The following RTTN variants were observed in gnomAD, a reference collection of about 807,000 sequenced individuals.
The protein encoded by RTTN is rotatin.
Under a neutral mutation model 269.2 loss-of-function variants are expected in RTTN, and 182 were observed. The observed-to-expected ratio is 0.68, with a 90% CI of 0.60 to 0.76. RTTN has a LOEUF of 0.76. Ranked by LOEUF, RTTN falls within the 30% of genes least tolerant of loss-of-function variation. RTTN has a pLI of 0.00. For missense variants in RTTN, 2,545 were observed against 2,608.6 expected (o/e 0.98, Z 0.53); for synonymous variants, 1,006 against 963.5 (o/e 1.04, Z -0.82).
Position 70,051,461 on chromosome 18 carries a change from G to A in RTTN, c.5273C>T (p.Thr1758Ile). 1.9e-5 allele frequency: 31 copies of A among 1,614,018 alleles called. No homozygotes were observed. Among genetic ancestry groups the A allele is most frequent in the Non-Finnish European group, 2.5e-5 (30 of 1,179,928 alleles). The change falls in exon 39 of 49, where the codon ACA becomes ATA. Residue 1758 changes from threonine to isoleucine, a missense_variant. Transcript: ENST00000640769. ...AMLLRKAGAI[T>I]LPFVTVALAK... The stretch of plus-strand genomic sequence containing the variant: ...CAGGGCCACGGTAACAAACGGGAGT[G>A]TGATGGCACCAGCTTTCCTCAGGAG...
rs368904151 is a variant in RTTN, at chr18:70,052,345, T to G, written c.5186-797A>C. On this transcript the variant is annotated intron_variant, in intron 38 of 48. Transcript: ENST00000640769. ...GGCAATCCTTGGTGTTTCTCAACCC[T>G]TTTGTCATTAGTGGCTCTCTAAAGA... 1.7e-4 allele frequency among the ~76,000 whole-genome samples: 26 copies of G among 152,310 alleles called. No individual in the cohort carries two copies. The East Asian group carries it at 3.1e-3, about 18-fold the overall frequency.
rs887061620 is a variant in RTTN at position 70,073,469 on chromosome 18, G to A, written c.4653+437C>T. Among the ~76,000 whole-genome samples, 4 of 152,092 alleles carry A rather than the reference G, an allele frequency of 2.6e-5. No homozygotes were observed. The East Asian group carries it at 5.8e-4, about 22-fold the overall frequency. Reference sequence around the variant, plus strand: ...TGCCCTGCCCTTAAGCACAATTTCAGGGTAATCAACCATTTTTAACATGTA... The same window carrying A: ...TGCCCTGCCCTTAAGCACAATTTCAAGGTAATCAACCATTTTTAACATGTA... On this transcript the variant is annotated intron_variant, in intron 34 of 48. Coordinates refer to ENST00000640769, the MANE Select transcript of RTTN (RefSeq NM_173630.4).
intron 24 of RTTN, chr18:70,127,952 C>G: frequency 1.8e-6 from 1 of 540,798 alleles, no homozygotes; most frequent in Non-Finnish European, 3.2e-6. Flanking sequence ...ACTTTTCCTC[C>G]TTATAAAAAT....
intron 7 of RTTN, among the ~76,000 whole-genome samples, chr18:70,195,278 G>A (rs539297482): frequency 6.6e-6 from 1 of 152,284 alleles, no homozygotes; most frequent in Non-Finnish European, 1.5e-5. Context: ...ACGATTCCTT[G>A]TCACCCTTCA....
intron 30 of RTTN, chr18:70,091,581 G>A (rs1018792723): frequency 3.3e-5 from 5 of 152,136 alleles, no homozygotes; most frequent in African/African-American, 1.2e-4. Context: ...CTCTGATCTT[G>A]GACTTTCAGC....
intron 28 of RTTN, among the ~76,000 whole-genome samples, chr18:70,100,474 T>C (rs2059129217): frequency 6.6e-6 from 1 of 152,248 alleles, no homozygotes; most frequent in African/African-American, 2.4e-5. Flanking sequence ...TAAGGAGATT[T>C]TGGGCTGAGA....
At chr18:70,086,503 C>T (rs955422849) in intron 32 of RTTN, 110 bp downstream of exon 32, 2 of 889,650 alleles carry the variant, frequency 2.2e-6, no homozygotes, top group Non-Finnish European at 3.6e-6. Flanking sequence ...GAGGCCCTTG[C>T]TGTCTTGTAT....
intron 21 of RTTN, chr18:70,139,089 T>C (rs1272810153): frequency 6.6e-6 from 1 of 151,788 alleles, no homozygotes; most frequent in Non-Finnish European, 1.5e-5. Flanking sequence ...CAAATTAAAA[T>C]GGGTTTTTAA....
Position 70,166,992 on chromosome 18 carries a change from G to A in RTTN, c.1729C>T (p.Gln577Ter), listed in dbSNP as rs2061004622. ...TGATAGGAAAAGCTACGCAAGGCTT[G>A]GTCTGCCAGCTCCACTAATTCTAAG... Reference protein sequence around the residue: ...NLLELVELADQALRSFSYHQH... With the variant: ...NLLELVELAD Residue 577 changes from glutamine (Q) to a stop codon, truncating the protein, a stop_gained, in exon 13 of 49, where the codon CAA becomes TAA. Coordinates refer to ENST00000640769, the MANE Select transcript of RTTN (RefSeq NM_173630.4). LOFTEE classifies it high-confidence loss of function. 1 of 1,613,526 alleles carries A rather than the reference G, an allele frequency of 6.2e-7. No individual in the cohort carries two copies. The highest frequency in any genetic ancestry group is 8.5e-7 in the Non-Finnish European group (1 of 1,179,648).
At chr18:70,055,452 T>C (rs1199091102) in intron 37 of RTTN, among the ~76,000 whole-genome samples, 14 of 152,102 alleles carry the variant, frequency 9.2e-5, no homozygotes, top group Admixed American at 2.6e-4. Flanking sequence ...TATTTACAAA[T>C]AGTTCTGCCC....
chr18:70,187,525 A>C (rs1240237290), intron 10 of RTTN, among the ~76,000 whole-genome samples: 1 of 152,210 alleles, frequency 6.6e-6, no homozygotes, highest in East Asian at 1.9e-4. Flanking sequence ...AAACAAAAAA[A>C]AATCTAACTG....
chr18:70,154,667 CTG>C (rs1163861971), intron 14 of RTTN, among the ~76,000 whole-genome samples: 12 of 152,110 alleles, frequency 7.9e-5, no homozygotes, highest in African/African-American at 2.9e-4. Context: ...ACTTTCTTCC[CTG>C]TAGTCTTTAC....
chr18:70,147,530 G>A (rs1231187427), intron 17 of RTTN, among the ~76,000 whole-genome samples: 1 of 152,048 alleles, frequency 6.6e-6, no homozygotes, highest in Non-Finnish European at 1.5e-5. Context: ...ATTAAGCAAC[G>A]CATGACTGTG....
At chr18:70,082,203 C>A (rs1321538405) in intron 32 of RTTN, among the ~76,000 whole-genome samples, 1 of 152,070 alleles carries the variant, frequency 6.6e-6, no homozygotes. Context: ...CATGAAATTA[C>A]CCTTTACATT....
chr18:70,204,405 A>G, intron 2 of RTTN, 142 bp from the exon 3 acceptor site: 2 of 709,730 alleles, frequency 2.8e-6, no homozygotes, highest in Non-Finnish European at 4.6e-6. Flanking sequence ...CCCCGAAGTA[A>G]GGCACTTCCA....
intron 46 of RTTN, among the ~76,000 whole-genome samples, chr18:70,014,220 C>A (rs577815217): frequency 2.0e-5 from 3 of 152,190 alleles, no homozygotes; most frequent in African/African-American, 7.2e-5. Flanking sequence ...TCATACTGCA[C>A]AGTAAAGTTC....
At chr18:70,078,734 G>A (rs2058489370) in intron 32 of RTTN, among the ~76,000 whole-genome samples, 1 of 151,930 alleles carries the variant, frequency 6.6e-6, no homozygotes, top group Non-Finnish European at 1.5e-5. Flanking sequence ...ACTTTTAGAA[G>A]CAACCTACAG....
chr18:70,148,774 C>T lies in RTTN; in HGVS notation c.2309+127G>A, dbSNP rs2060461556. On this transcript the variant is annotated intron_variant, in intron 17 of 48. Coordinates refer to ENST00000640769, the MANE Select transcript of RTTN (RefSeq NM_173630.4). ...TCTGCTTAGTTTCACGCATTGGTTT[C>T]CTCTAGTAATGGAATAACACCCTCC... is the stretch of plus-strand genomic sequence containing the variant. 5.4e-6 allele frequency: 6 copies of T among 1,104,432 alleles called. No individual in the cohort carries two copies. In the South Asian group the frequency reaches 5.6e-5, roughly 10 times the overall value. 68.4% of individuals were successfully genotyped at this position (1,104,432 alleles called of 1,614,324 possible). A position where few individuals can be genotyped will look rare whatever the true frequency, so the allele number is the denominator to read the frequency against.
intron 10 of RTTN, among the ~76,000 whole-genome samples, chr18:70,186,315 A>G (rs1425441820): frequency 2.0e-5 from 3 of 152,244 alleles, no homozygotes; most frequent in African/African-American, 7.2e-5. Flanking sequence ...GACTTTAATG[A>G]AACAGCATTA....
Sources: gnomAD v4.1 joint callset for allele counts (sites outside exome capture counted in the v4.1 genomes callset) on GRCh38, gnomAD v4.1.1 for gene constraint, MANE v1.5 for transcripts, NCBI Gene and HGNC (gene_info 2026-07-23, HGNC 2026-07-21) for gene names.